HMGA2: variants seen among roughly 807,000 people sequenced by gnomAD.
HMGA2 encodes high mobility group AT-hook 2, also known as high mobility group protein HMGI-C.
A neutral mutation model predicts 19.1 loss-of-function variants in HMGA2; 8 were observed. The ratio of observed to expected loss-of-function variants is 0.42; its 90% CI spans 0.25 to 0.76. The LOEUF is 0.76. HMGA2 is among the 30% of genes least tolerant of loss of function. The pLI is 0.28. For missense variants in HMGA2, 109 were observed against 136.3 expected (o/e 0.80, Z 1.00); for synonymous variants, 60 against 48.8 (o/e 1.23, Z -0.96).
chr12:65,854,353 CAG>C (rs1046011520), intron 3 of HMGA2, among the ~76,000 whole-genome samples: 5 of 152,186 alleles, frequency 3.3e-5, no homozygotes, highest in African/African-American at 1.2e-4. Context: ...CCTTTTCTTT[CAG>C]AGACGTGCCT....
rs1277434014 is a variant in HMGA2 at position 65,824,729 on chromosome 12, C to G, written c.-542C>G. 9 of 188,780 alleles carry G rather than the reference C, an allele frequency of 4.8e-5. No individual in the cohort carries two copies. Among genetic ancestry groups the G allele is most frequent in the African/African-American group, 2.5e-4 (8 of 31,888 alleles). The allele number at this position is 188,780 out of a possible 1,614,324, so 11.7% of individuals were successfully genotyped here. Reference sequence around the variant, plus strand: ...CTCAATCTCTTCTCTCTCTCTCTCTCTCTCTCTCTCTCTCTCTCTCTCTCT... The same window carrying G: ...CTCAATCTCTTCTCTCTCTCTCTCTGTCTCTCTCTCTCTCTCTCTCTCTCT... On this transcript the variant is annotated 5_prime_UTR_variant, in exon 1 of 5. Coordinates refer to ENST00000403681, the MANE Select transcript of HMGA2 (RefSeq NM_003483.6).
chr12:65,920,440 T>C (rs1875265263), intron 3 of HMGA2, among the ~76,000 whole-genome samples: 1 of 152,122 alleles, frequency 6.6e-6, no homozygotes, highest in Admixed American at 6.5e-5. Context: ...TTAGAATGCG[T>C]ATTTTAGGTG....
chr12:65,846,077 G>A (rs1212976225), intron 3 of HMGA2, among the ~76,000 whole-genome samples: 2 of 152,180 alleles, frequency 1.3e-5, no homozygotes, highest in African/African-American at 4.8e-5. Context: ...CCAACATAAG[G>A]TTTTCAGATT....
chr12:65,827,607 T>G (rs1870271446), intron 1 of HMGA2, among the ~76,000 whole-genome samples: 1 of 152,218 alleles, frequency 6.6e-6, no homozygotes, highest in Admixed American at 6.5e-5. Context: ...ATTTCTGTTG[T>G]TTGAAATGCT....
At chr12:65,847,202 T>G (rs1455825623) in intron 3 of HMGA2, among the ~76,000 whole-genome samples, 1 of 152,176 alleles carries the variant, frequency 6.6e-6, no homozygotes, top group Non-Finnish European at 1.5e-5. Flanking sequence ...ATACAAAATG[T>G]ATACAGATTT....
intron 3 of HMGA2, among the ~76,000 whole-genome samples, chr12:65,846,545 C>T (rs1044226441): frequency 1.3e-5 from 2 of 152,180 alleles, no homozygotes; most frequent in South Asian, 2.1e-4. Context: ...AAATGCACCT[C>T]GAGTGCCTGT....
rs147825606 is a variant in HMGA2 at position 65,825,029 on chromosome 12, G to C, written c.-242G>C. ...CCCACCCACCGCCGCCGCCGCCACC[G>C]GCAGCGCCTCCTCCTCTCCTCCTCC... is the stretch of plus-strand genomic sequence containing the variant. On this transcript the variant is annotated 5_prime_UTR_variant, in exon 1 of 5. Coordinates refer to ENST00000403681, the MANE Select transcript of HMGA2 (RefSeq NM_003483.6). This position sits in a 1 kb window ranked among gnomAD's most constrained non-coding sequence, Gnocchi z 4.4. The C allele has an allele frequency of 1.2e-5, 5 of 423,742 alleles. No individual in the cohort carries two copies. The highest frequency in any genetic ancestry group is 4.3e-5 in the South Asian group (1 of 23,352). The allele number at this position is 423,742 out of a possible 1,614,324, so 26.2% of individuals were successfully genotyped here. A position where few individuals can be genotyped will look rare whatever the true frequency, so the allele number is the denominator to read the frequency against.
intron 3 of HMGA2, among the ~76,000 whole-genome samples, chr12:65,916,363 A>G (rs576474558): frequency 2.6e-5 from 4 of 152,214 alleles, no homozygotes; most frequent in Non-Finnish European, 5.9e-5. Context: ...TGACAGCATG[A>G]TGTACTGGAC....
chr12:65,874,495 T>C (rs1872874674), intron 3 of HMGA2, among the ~76,000 whole-genome samples: 1 of 152,158 alleles, frequency 6.6e-6, no homozygotes, highest in Non-Finnish European at 1.5e-5. Flanking sequence ...GGAAACCATT[T>C]GAAGATGTGG....
intron 3 of HMGA2, among the ~76,000 whole-genome samples, chr12:65,882,917 A>G (rs1873492337): frequency 6.6e-6 from 1 of 152,208 alleles, no homozygotes; most frequent in Non-Finnish European, 1.5e-5. Flanking sequence ...GATTGATTAT[A>G]TGTTTTTGTT....
At chr12:65,950,133 T>C (rs1475212681) in intron 3 of HMGA2, among the ~76,000 whole-genome samples, 1 of 152,244 alleles carries the variant, frequency 6.6e-6, no homozygotes. Flanking sequence ...ACAGCTGCTT[T>C]AGAAAGCTGT....
Position 65,964,137 on chromosome 12 carries a change from G to A in HMGA2, c.*845G>A, listed in dbSNP as rs1445671464. On this transcript the variant is annotated 3_prime_UTR_variant, in exon 5 of 5. Coordinates refer to ENST00000403681, the MANE Select transcript of HMGA2 (RefSeq NM_003483.6). ...ATAAATAACACTTGTCAGCCTCAGAGCATTTAAGGAAACTAGACAAGTAAA... is the reference window on the plus strand; with the variant it reads ...ATAAATAACACTTGTCAGCCTCAGAACATTTAAGGAAACTAGACAAGTAAA... 1.5e-5 allele frequency: 3 copies of A among 204,454 alleles called. No homozygotes were observed. Among genetic ancestry groups the A allele is most frequent in the African/African-American group, 2.3e-5 (1 of 43,772 alleles). 12.7% of individuals were successfully genotyped at this position (204,454 alleles called of 1,614,324 possible). A position where few individuals can be genotyped will look rare whatever the true frequency, so the allele number is the denominator to read the frequency against.
intron 4 of HMGA2, chr12:65,952,395 C>G (rs1046056141): frequency 6.5e-7 from 1 of 1,534,862 alleles, no homozygotes; most frequent in Non-Finnish European, 8.7e-7. Flanking sequence ...CCCGGGCAAT[C>G]TTATATATCT....
At chr12:65,831,456 A>T (rs759895991) in intron 2 of HMGA2, among the ~76,000 whole-genome samples, 39 of 136,014 alleles carry the variant, frequency 2.9e-4, no homozygotes, top group Non-Finnish European at 5.3e-4. Flanking sequence ...AAATGAAAAT[A>T]AAAAAAAAAG....
At chr12:65,907,440 G>A (rs377414745) in intron 3 of HMGA2, among the ~76,000 whole-genome samples, 9 of 151,376 alleles carry the variant, frequency 5.9e-5, no homozygotes, top group Non-Finnish European at 8.8e-5. Flanking sequence ...AAGGTGGGGG[G>A]TAAAGTGCTC....
intron 3 of HMGA2, chr12:65,942,554 T>C (rs1447325779): frequency 6.6e-6 from 1 of 152,172 alleles, no homozygotes; most frequent in African/African-American, 2.4e-5. Flanking sequence ...TGACTAAGGG[T>C]GGATTTTTCC....
intron 3 of HMGA2, among the ~76,000 whole-genome samples, chr12:65,895,058 A>G (rs991894950): frequency 6.6e-6 from 1 of 152,222 alleles, no homozygotes; most frequent in African/African-American, 2.4e-5. Flanking sequence ...GCAAAGCAAT[A>G]AAGAAACCAC....
Position 65,825,011 on chromosome 12 carries a change from ACCG to A in HMGA2, c.-248_-246del. 1.0e-4 allele frequency: 42 copies of A among 412,560 alleles called. No homozygotes were observed. Among genetic ancestry groups the A allele is most frequent in the South Asian group, 2.5e-4 (6 of 23,988 alleles). The allele number at this position is 412,560 out of a possible 1,614,324, so 25.6% of individuals were successfully genotyped here. ...CCACCTCCACCTCCGGCACCCACCC[ACCG>A]CCGCCGCCGCCACCGGCAGCGCCTC... On this transcript the variant is annotated 5_prime_UTR_variant, in exon 1 of 5. Transcript: ENST00000403681. This position sits in a 1 kb window ranked among gnomAD's most constrained non-coding sequence, Gnocchi z 4.4.
intron 3 of HMGA2, among the ~76,000 whole-genome samples, chr12:65,896,567 C>T (rs1483349469): frequency 2.0e-5 from 3 of 152,292 alleles, no homozygotes; most frequent in South Asian, 4.1e-4. Flanking sequence ...CCTCTTCTCC[C>T]TGTTCTTTTT....
Sources: allele counts gnomAD v4.1 joint callset (sites outside exome capture counted in the v4.1 genomes callset), GRCh38; gene constraint gnomAD v4.1.1; non-coding constraint Gnocchi (gnomAD v3.1); transcripts MANE v1.5; gene names NCBI Gene and HGNC (gene_info 2026-07-23, HGNC 2026-07-21).